CSPG4: variants seen among roughly 807,000 people sequenced by gnomAD.
CSPG4 encodes the protein chondroitin sulfate proteoglycan 4.
In CSPG4, 74 loss-of-function variants were observed where a neutral mutation model predicts 139.3. That is an observed-to-expected ratio of 0.53 (90% CI 0.44 to 0.64). The LOEUF (loss-of-function observed/expected upper bound fraction) is 0.64, where lower values mean the gene tolerates loss of function less well. CSPG4 is among the 30% of genes least tolerant of loss of function. CSPG4 has a pLI of 0.00. For missense variants in CSPG4, 2,565 were observed against 3,148.3 expected (o/e 0.81, Z 4.43); for synonymous variants, 1,234 against 1,394.2 (o/e 0.89, Z 2.56).
intron 1 of CSPG4, among the ~76,000 whole-genome samples, chr15:75,695,623 G>T (rs185861379): frequency 6.6e-6 from 1 of 152,320 alleles, no homozygotes; most frequent in East Asian, 1.9e-4. Context: ...TCTCTGAGGG[G>T]CTTCAGTTGC....
chr15:75,694,998 G>C lies in CSPG4; in HGVS notation c.89-1765C>G, dbSNP rs145360912. Among the ~76,000 whole-genome samples the C allele has an allele frequency of 1.7e-3, 265 of 152,358 alleles. 1 individual carries two copies. The highest frequency in any genetic ancestry group is 5.9e-3 in the African/African-American group (244 of 41,588). The stretch of plus-strand genomic sequence containing the variant: ...ACCACCGTCACCTGCTGGAGCGGCT[G>C]ACAGCAGCTGCCAGGAGTCTACTGT... On this transcript the variant is annotated intron_variant, in intron 1 of 9. Transcript: ENST00000308508.
At chr15:75,683,291 G>A (rs918676378) in intron 5 of CSPG4, among the ~76,000 whole-genome samples, 2 of 152,134 alleles carry the variant, frequency 1.3e-5, no homozygotes, top group African/African-American at 2.4e-5. Flanking sequence ...CCCTAGTCCT[G>A]TGTGTCCCTC....
At position 75,677,145 on chromosome 15, in the gene CSPG4, C is replaced by G; in HGVS notation, c.5374G>C (p.Gly1792Arg). ...GQLVYAHGGG[G>R]TQQDGFHFRA... ...AAGTGGAAGCCATCCTGCTGGGTGCCCCCACCGCCGTGGGCATACACTAGC... is the reference window on the plus strand; with the variant it reads ...AAGTGGAAGCCATCCTGCTGGGTGCGCCCACCGCCGTGGGCATACACTAGC... The change falls in exon 10 of 10, where the codon GGC (glycine) becomes CGC (arginine). Residue 1792 changes from glycine (G) to arginine (R), a missense_variant. Physicochemically the swap from Gly to Arg is moderately radical, Grantham distance 125 (BLOSUM62 -2). This residue lies in a region of CSPG4 where 2,316 missense variants were observed against 2,818.2 expected (regional missense o/e 0.82). Coordinates refer to ENST00000308508, the MANE Select transcript of CSPG4 (RefSeq NM_001897.5). 1.4e-6 allele frequency: 2 copies of G among 1,423,426 alleles called. No homozygotes were observed. Among genetic ancestry groups the G allele is most frequent in the Non-Finnish European group, 1.8e-6 (2 of 1,085,884 alleles). The allele number at this position is 1,423,426 out of a possible 1,614,324, so 88.2% of individuals were successfully genotyped here.
At position 75,690,286 on chromosome 15, in the gene CSPG4, A is replaced by G. The variant is rs1341132758; in HGVS notation, c.779T>C (p.Leu260Pro). The part of the protein sequence containing the change: ...FIYVDIFEGH[L>P]RAVVEKGQGT... ...CTGGCCCTTCTCCACCACGGCCCGC[A>G]GGTGGCCCTCAAATATGTCCACATA... Residue 260 changes from leucine to proline, a missense_variant, in exon 3 of 10, where the codon CTG (leucine) becomes CCG (proline). This residue lies in a region of CSPG4 where 2,316 missense variants were observed against 2,818.2 expected (regional missense o/e 0.82). Transcript: ENST00000308508. 4 of 1,613,012 alleles carry G rather than the reference A, an allele frequency of 2.5e-6. No individual in the cohort carries two copies. Among genetic ancestry groups the G allele is most frequent in the Non-Finnish European group, 3.4e-6 (4 of 1,179,798 alleles).
chr15:75,677,101 C>G lies in CSPG4; in HGVS notation c.5418G>C (p.Gly1806=). The G allele has an allele frequency of 1.4e-5, 20 of 1,414,110 alleles. No individual in the cohort carries two copies. Among genetic ancestry groups the G allele is most frequent in the Non-Finnish European group, 1.9e-5 (20 of 1,079,912 alleles). 87.6% of individuals were successfully genotyped at this position (1,414,110 alleles called of 1,614,324 possible). Residue 1806 remains glycine, a synonymous_variant, in exon 10 of 10, where the codon GGG becomes GGC. Coordinates refer to ENST00000308508, the MANE Select transcript of CSPG4 (RefSeq NM_001897.5). The part of the protein sequence containing the change: ...DGFHFRAHLQ[G]PAGASVAGPQ... ...GTCCAGCCACGGAGGCCCCTGCTGG[C>G]CCCTGGAGGTGGGCACGAAAGTGGA...
intron 1 of CSPG4, among the ~76,000 whole-genome samples, chr15:75,710,232 G>A (rs1051412330): frequency 6.6e-6 from 1 of 152,162 alleles, no homozygotes; most frequent in Non-Finnish European, 1.5e-5. Context: ...CCAGGGAAGA[G>A]GTGTGGGAGC....
chr15:75,690,056 C>T lies in CSPG4; in HGVS notation c.1009G>A (p.Glu337Lys), dbSNP rs773554043. The T allele has an allele frequency of 1.1e-5, 17 of 1,611,584 alleles. No homozygotes were observed. Among genetic ancestry groups the T allele is most frequent in the Admixed American group, 1.0e-4 (6 of 59,892 alleles). Reference sequence around the variant, plus strand: ...TCTGGTGTCAGGCCCAGGCGGTGTTCCTGGAGGTGACGAGAGGCCTCTGCA... The same window carrying T: ...TCTGGTGTCAGGCCCAGGCGGTGTTTCTGGAGGTGACGAGAGGCCTCTGCA... ...LDAEASRHLQ[E>K]HRLGLTPEAT... The change falls in exon 3 of 10, where the codon GAA becomes AAA. Residue 337 changes from glutamate to lysine, a missense_variant. Physicochemically the swap from Glu to Lys is moderately conservative, Grantham distance 56. Coordinates refer to ENST00000308508, the MANE Select transcript of CSPG4 (RefSeq NM_001897.5).
At position 75,688,382 on chromosome 15, in the gene CSPG4, C is replaced by G. The variant is rs1566974220; in HGVS notation, c.2683G>C (p.Gly895Arg). The G allele has an allele frequency of 6.2e-7, 1 of 1,613,256 alleles. No individual in the cohort carries two copies. Among genetic ancestry groups the G allele is most frequent in the Non-Finnish European group, 8.5e-7 (1 of 1,180,048 alleles). ...GTGAGGACAGGCGCATCTGGGTCACCACCAATGTGGATGGGGAAGGTATAG... is the reference window on the plus strand; with the variant it reads ...GTGAGGACAGGCGCATCTGGGTCACGACCAATGTGGATGGGGAAGGTATAG... ...PLYTFPIHIG[G>R]DPDAPVLTNV... Residue 895 changes from glycine (G) to arginine (R), a missense_variant, in exon 3 of 10, where the codon GGT becomes CGT. Gly to Arg is a moderately radical substitution (Grantham distance 125). Coordinates refer to ENST00000308508, the MANE Select transcript of CSPG4 (RefSeq NM_001897.5).
At position 75,696,668 on chromosome 15, in the gene CSPG4, G is replaced by A. The variant is rs117005820; in HGVS notation, c.89-3435C>T. 5.8e-3 allele frequency among the ~76,000 whole-genome samples: 881 copies of A among 152,204 alleles called. 5 individuals are homozygous for A. The highest frequency in any genetic ancestry group is 7.7e-3 in the Non-Finnish European group (522 of 67,988). ...AGGGTTCCTGCCCCTCCTGCTCAGC[G>A]CCCATAGAGAGGTTTGCTAAAGGTG... On this transcript the variant is annotated intron_variant, in intron 1 of 9. Coordinates refer to ENST00000308508, the MANE Select transcript of CSPG4 (RefSeq NM_001897.5). This position sits in a 1 kb window ranked among gnomAD's most constrained non-coding sequence, Gnocchi z 4.2.
At position 75,689,396 on chromosome 15, in the gene CSPG4, A is replaced by G; in HGVS notation, c.1669T>C (p.Phe557Leu). The G allele has an allele frequency of 6.2e-7, 1 of 1,612,648 alleles. No homozygotes were observed. The highest frequency in any genetic ancestry group is 1.3e-5 in the African/African-American group (1 of 75,024). ...NPVNDPPHII[F>L]PHGSLMVILE... ...ATCACCATGAGGCTGCCATGTGGGA[A>G]GATGATGTGGGGTGGGTCATTGACA... Residue 557 changes from phenylalanine (F) to leucine (L), a missense_variant, in exon 3 of 10, where the codon TTC (phenylalanine) becomes CTC (leucine). Coordinates refer to ENST00000308508, the MANE Select transcript of CSPG4 (RefSeq NM_001897.5).
chr15:75,713,369 G>C (rs28716419), upstream of CSPG4, among the ~76,000 whole-genome samples: 34,013 of 152,138 alleles, frequency 0.22, 3,957 homozygotes, highest in Admixed American at 0.26. Flanking sequence ...TCTCTGCCTG[G>C]AAGGGCCTCA....
At chr15:75,711,890 G>A (rs1317744256) in intron 1 of CSPG4, among the ~76,000 whole-genome samples, 2 of 151,760 alleles carry the variant, frequency 1.3e-5, no homozygotes, top group Admixed American at 6.6e-5. Context: ...AGCACTTCTC[G>A]GAAAGCGAAC....
intron 4 of CSPG4, 65 bp from the exon 5 acceptor site, chr15:75,684,977 G>A (rs1894033433): frequency 6.6e-7 from 1 of 1,504,148 alleles, no homozygotes; most frequent in South Asian, 1.2e-5. Flanking sequence ...GCCTTTGGGT[G>A]CAGGAGGAGA....
chr15:75,689,018 G>C lies in CSPG4; in HGVS notation c.2047C>G (p.Pro683Ala). Residue 683 changes from proline to alanine, a missense_variant, in exon 3 of 10, where the codon CCC becomes GCC. Pro to Ala is a conservative substitution (Grantham distance 27). This residue lies in a region of CSPG4 where 2,316 missense variants were observed against 2,818.2 expected (regional missense o/e 0.82). Transcript: ENST00000308508. ...TTGGTCTCCACCGACAGGTTGGCGG[G>C]CAAGATGGGCATGGCAGAGCCTTGG... is the stretch of plus-strand genomic sequence containing the variant. ...LAQGSAMPIL[P>A]ANLSVETNAV... 6.2e-7 allele frequency: 1 copy of C among 1,612,044 alleles called. No individual in the cohort carries two copies. The highest frequency in any genetic ancestry group is 8.5e-7 in the Non-Finnish European group (1 of 1,180,010).
In CSPG4 at chr15:75,689,465, G is replaced by A. The variant is rs775984638; in HGVS notation, c.1600C>T (p.Leu534Phe). The A allele has an allele frequency of 6.2e-7, 1 of 1,612,848 alleles. No homozygotes were observed. ...AGGAGGTATGTTTGGCCCCTCCGAAGGCATGAGGGCATGGGCACCCGAGCC... is the reference window on the plus strand; with the variant it reads ...AGGAGGTATGTTTGGCCCCTCCGAAAGCATGAGGGCATGGGCACCCGAGCC... ...VTARVPMPSCLRRGQTYLLPI... is the reference protein window; with the variant it reads ...VTARVPMPSCFRRGQTYLLPI... Residue 534 changes from leucine (L) to phenylalanine (F), a missense_variant, in exon 3 of 10, where the codon CTT (leucine) becomes TTT (phenylalanine). Around this residue, in one of 5 missense-constraint regions of CSPG4, gnomAD observed 2,316 missense variants for 2,818.2 expected, o/e 0.82. Coordinates refer to ENST00000308508, the MANE Select transcript of CSPG4 (RefSeq NM_001897.5).
At chr15:75,686,069 G>T (rs536974724) in intron 3 of CSPG4, among the ~76,000 whole-genome samples, 72 of 152,254 alleles carry the variant, frequency 4.7e-4, no homozygotes, top group Admixed American at 1.8e-3. Context: ...TAAATTTTTT[G>T]TGTAGAGATG....
At position 75,674,540 on chromosome 15, in the gene CSPG4, G is replaced by A. The variant is rs1465620893; in HGVS notation, c.*1010C>T. On this transcript the variant is annotated 3_prime_UTR_variant, in exon 10 of 10. Coordinates refer to ENST00000308508, the MANE Select transcript of CSPG4 (RefSeq NM_001897.5). Reference sequence around the variant, plus strand: ...CCCACTGGCTGAGGCCAGGCCGGAGGGCCGACCCCAGGGGCCCTCTGTATG... The same window carrying A: ...CCCACTGGCTGAGGCCAGGCCGGAGAGCCGACCCCAGGGGCCCTCTGTATG... The A allele has an allele frequency of 2.6e-6, 1 of 391,190 alleles. No individual in the cohort carries two copies. Among genetic ancestry groups the A allele is most frequent in the Non-Finnish European group, 4.5e-6 (1 of 221,512 alleles). The allele number at this position is 391,190 out of a possible 1,614,324, so 24.2% of individuals were successfully genotyped here.
chr15:75,677,881 G>A lies in CSPG4; in HGVS notation c.4956C>T (p.Tyr1652=), dbSNP rs140941357. The A allele has an allele frequency of 1.1e-5, 18 of 1,607,218 alleles. No homozygotes were observed. Among genetic ancestry groups the A allele is most frequent in the African/African-American group, 5.4e-5 (4 of 74,654 alleles). Reference sequence around the variant, plus strand: ...CATGCTCATACAGAATATTCCCAGCGTAGACCTAGGGGAGACACCATCGTG... The same window carrying A: ...CATGCTCATACAGAATATTCCCAGCATAGACCTAGGGGAGACACCATCGTG... The part of the protein sequence containing the change: ...ALVNFTQAEV[Y]AGNILYEHEM... The change falls in exon 9 of 10, where the codon TAC becomes TAT. Residue 1652 remains tyrosine (Y), a synonymous_variant. Transcript: ENST00000308508.
chr15:75,688,154 C>G lies in CSPG4; in HGVS notation c.2911G>C (p.Val971Leu). ...TNEDLLRGRL[V>L]YQHDDSETTE... ...GTCTCGGAGTCATCATGCTGGTAGACCAGCCGGCCACGCAACAGGTCTTCA... is the reference window on the plus strand; with the variant it reads ...GTCTCGGAGTCATCATGCTGGTAGAGCAGCCGGCCACGCAACAGGTCTTCA... Residue 971 changes from valine to leucine, a missense_variant, in exon 3 of 10, where the codon GTC becomes CTC. This residue lies in a region of CSPG4 where 2,316 missense variants were observed against 2,818.2 expected (regional missense o/e 0.82). Transcript: ENST00000308508. 6.2e-7 allele frequency: 1 copy of G among 1,612,808 alleles called. No homozygotes were observed. The highest frequency in any genetic ancestry group is 8.5e-7 in the Non-Finnish European group (1 of 1,179,840).
Sources: allele counts gnomAD v4.1 joint callset (sites outside exome capture counted in the v4.1 genomes callset), GRCh38; gene constraint gnomAD v4.1.1; regional missense constraint gnomAD v4.1.1; non-coding constraint Gnocchi (gnomAD v3.1); transcripts MANE v1.5; gene names NCBI Gene and HGNC (gene_info 2026-07-23, HGNC 2026-07-21).